Variants in PKHD1L1 observed in about 807,000 individuals in gnomAD.
PKHD1L1 encodes fibrocystin-L.
A neutral mutation model predicts 462.9 loss-of-function variants in PKHD1L1; 434 were observed. That is an observed-to-expected ratio of 0.94 (90% CI 0.87 to 1.02). PKHD1L1 has a LOEUF of 1.02. Among genes scored for constraint, PKHD1L1 ranks in the 50% least tolerant of loss-of-function variants. The pLI is 0.00. For missense variants in PKHD1L1, 5,202 were observed against 5,096.1 expected (o/e 1.02, Z -0.63); for synonymous variants, 1,781 against 1,750.0 (o/e 1.02, Z -0.44).
chr8:109,479,511 C>A, intron 53 of PKHD1L1, 40 bp from the exon 54 acceptor site: 1 of 1,253,180 alleles, frequency 8.0e-7, no homozygotes, highest in Non-Finnish European at 1.1e-6. Context: ...GGGAATATCA[C>A]AAGTAGTAAT....
At position 109,443,843 on chromosome 8, in the gene PKHD1L1, G is replaced by C. The variant is rs776817281; in HGVS notation, c.4732G>C (p.Val1578Leu). Reference sequence around the variant, plus strand: ...CAACATTACTCCGTCCACTGGAACAGTAAATGAACTAATAACAATTATTGG... The same window carrying C: ...CAACATTACTCCGTCCACTGGAACACTAAATGAACTAATAACAATTATTGG... ...ISNITPSTGT[V>L]NELITIIGHG... The change falls in exon 37 of 78, where the codon GTA becomes CTA. Residue 1578 changes from valine (V) to leucine (L), a missense_variant. This residue lies in a region of PKHD1L1 where 4,497 missense variants were observed against 4,336.8 expected (regional missense o/e 1.04). Coordinates refer to ENST00000378402, the MANE Select transcript of PKHD1L1 (RefSeq NM_177531.6). The C allele has an allele frequency of 1.6e-5, 26 of 1,613,710 alleles. No homozygotes were observed. The African/African-American group carries it at 3.3e-4, about 21-fold the overall frequency.
At chr8:109,470,604 A>G (rs553235760) in intron 50 of PKHD1L1, 28 of 1,581,702 alleles carry the variant, frequency 1.8e-5, no homozygotes, top group Middle Eastern at 2.4e-4. Context: ...TTGTTGATAA[A>G]TTAAATGACT....
intron 17 of PKHD1L1, 107 bp from the exon 18 acceptor site, chr8:109,407,942 A>C: frequency 8.5e-6 from 6 of 707,362 alleles, no homozygotes; most frequent in Non-Finnish European, 1.1e-5. Flanking sequence ...AATGAAACCA[A>C]TTTGGCTACA....
At chr8:109,488,857 A>G (rs148331609) in intron 59 of PKHD1L1, among the ~76,000 whole-genome samples, 1 of 150,602 alleles carries the variant, frequency 6.6e-6, no homozygotes, top group Non-Finnish European at 1.5e-5. Flanking sequence ...TCATAATGTT[A>G]TGGCATAAAT....
Position 109,435,247 on chromosome 8 carries a change from T to A in PKHD1L1, c.3398T>A (p.Val1133Glu), listed in dbSNP as rs1424889234. 1.9e-6 allele frequency: 3 copies of A among 1,613,838 alleles called. No individual in the cohort carries two copies. In the African/African-American group the frequency reaches 4.0e-5, roughly 22 times the overall value. The change falls in exon 29 of 78, where the codon GTG (valine) becomes GAG (glutamate). Residue 1133 changes from valine to glutamate, a missense_variant. Val to Glu is a moderately radical substitution (Grantham distance 121). This residue lies in a region of PKHD1L1 where 4,497 missense variants were observed against 4,336.8 expected (regional missense o/e 1.04). Transcript: ENST00000378402. Reference protein sequence around the residue: ...NGSAGHAPVAVSMADVGLAQN... With the variant: ...NGSAGHAPVAESMADVGLAQN... Reference sequence around the variant, plus strand: ...AGTGCTGGACATGCCCCCGTTGCTGTGTCCATGGCTGATGTTGGACTAGCA... The same window carrying A: ...AGTGCTGGACATGCCCCCGTTGCTGAGTCCATGGCTGATGTTGGACTAGCA...
chr8:109,515,165 A>T lies in PKHD1L1; in HGVS notation c.11554-5A>T. On this transcript the variant is annotated splice_polypyrimidine_tract_variant and splice_region_variant and intron_variant, in intron 71 of 77. Coordinates refer to ENST00000378402, the MANE Select transcript of PKHD1L1 (RefSeq NM_177531.6). ...GCTTTCTTAAAACTTTTTTTTCTTT[A>T]ATAGGCTGTTCTAGTAGGAATTTTC... is the stretch of plus-strand genomic sequence containing the variant. 1.3e-6 allele frequency: 2 copies of T among 1,562,366 alleles called. No individual in the cohort carries two copies. The highest frequency in any genetic ancestry group is 2.0e-5 in the Admixed American group (1 of 49,898).
chr8:109,396,194 T>A, intron 11 of PKHD1L1, 57 bp downstream of exon 11: 5 of 1,097,008 alleles, frequency 4.6e-6, no homozygotes, highest in Non-Finnish European at 6.7e-6. Flanking sequence ...GCCTGCTCTT[T>A]AATAATTTGT....
chr8:109,370,493 T>C (rs1811446463), intron 2 of PKHD1L1, among the ~76,000 whole-genome samples: 1 of 151,454 alleles, frequency 6.6e-6, no homozygotes, highest in African/African-American at 2.4e-5. Context: ...TTATTTATTT[T>C]ATTTTTTATT....
intron 11 of PKHD1L1, among the ~76,000 whole-genome samples, chr8:109,397,008 A>G (rs938656600): frequency 6.6e-6 from 1 of 152,250 alleles, no homozygotes; most frequent in Non-Finnish European, 1.5e-5. Context: ...TGGCATACAT[A>G]TTAAAACCTG....
At chr8:109,487,632 T>C (rs1818598849) in intron 59 of PKHD1L1, among the ~76,000 whole-genome samples, 1 of 151,920 alleles carries the variant, frequency 6.6e-6, no homozygotes, top group South Asian at 2.1e-4. Flanking sequence ...AATTGAGTGA[T>C]TGCATTCCTG....
At chr8:109,517,467 A>T (rs186670773) in intron 72 of PKHD1L1, among the ~76,000 whole-genome samples, 101 of 152,274 alleles carry the variant, frequency 6.6e-4, no homozygotes, top group African/African-American at 2.3e-3. Flanking sequence ...TCTGGGCTCA[A>T]TAAGTGTTAG....
chr8:109,456,259 T>C lies in PKHD1L1; in HGVS notation c.6875-3T>C, dbSNP rs755849771. 1.1e-5 allele frequency: 17 copies of C among 1,611,276 alleles called. No individual in the cohort carries two copies. In the South Asian group the frequency reaches 1.7e-4, roughly 16 times the overall value. The stretch of plus-strand genomic sequence containing the variant: ...AAATACTCAGTGTGTATGTTGGTTC[T>C]AGGTGTGCCTGTTCCTGTGACCTGG... On this transcript the variant is annotated splice_polypyrimidine_tract_variant and splice_region_variant and intron_variant, in intron 45 of 77. Transcript: ENST00000378402.
chr8:109,455,511 G>A (rs1228408628), intron 45 of PKHD1L1, among the ~76,000 whole-genome samples: 4 of 152,064 alleles, frequency 2.6e-5, no homozygotes, highest in Non-Finnish European at 5.9e-5. Context: ...GTCTGTGATT[G>A]CCTGTTTACT....
intron 51 of PKHD1L1, among the ~76,000 whole-genome samples, chr8:109,475,704 G>A (rs1001616569): frequency 3.3e-5 from 5 of 151,342 alleles, no homozygotes; most frequent in South Asian, 2.1e-4. Flanking sequence ...AAGATTAGCC[G>A]GGTGTGGTGG....
At chr8:109,490,183 G>T in intron 60 of PKHD1L1, 128 bp downstream of exon 60, 2 of 602,184 alleles carry the variant, frequency 3.3e-6, no homozygotes, top group Non-Finnish European at 2.7e-6. Context: ...AACTTTCTTG[G>T]CCCATTAACT....
intron 23 of PKHD1L1, among the ~76,000 whole-genome samples, chr8:109,423,975 T>C (rs73319442): frequency 0.042 from 6,415 of 152,252 alleles, 470 homozygotes; most frequent in African/African-American, 0.15. Context: ...AGAAATGTAA[T>C]TGATTTTTGT....
In PKHD1L1 at chr8:109,389,214, G is replaced by A; in HGVS notation, c.697+62G>A. On this transcript the variant is annotated intron_variant, in intron 8 of 77. Coordinates refer to ENST00000378402, the MANE Select transcript of PKHD1L1 (RefSeq NM_177531.6). ...ATGCCTTATTCTATTTCCCTGTTTT[G>A]TATTCTCCTAGACCTCCCTCCTCTG... is the stretch of plus-strand genomic sequence containing the variant. 2.2e-6 allele frequency: 3 copies of A among 1,373,048 alleles called. No homozygotes were observed. In the South Asian group the frequency reaches 3.6e-5, roughly 17 times the overall value. 85.1% of individuals were successfully genotyped at this position (1,373,048 alleles called of 1,614,324 possible).
At chr8:109,467,020 G>A (rs531953820) in intron 50 of PKHD1L1, among the ~76,000 whole-genome samples, 2 of 152,132 alleles carry the variant, frequency 1.3e-5, no homozygotes, top group South Asian at 2.1e-4. Flanking sequence ...GAGAGGGAGC[G>A]TTGGCACAGC....
At chr8:109,509,212 G>A (rs75000157) in intron 70 of PKHD1L1, among the ~76,000 whole-genome samples, 1 of 152,094 alleles carries the variant, frequency 6.6e-6, no homozygotes, top group East Asian at 1.9e-4. Flanking sequence ...TGGTTTCTGT[G>A]ACCTGCAGTT....
Sources: gnomAD v4.1 joint callset for allele counts (sites outside exome capture counted in the v4.1 genomes callset) on GRCh38, gnomAD v4.1.1 for gene constraint, gnomAD v4.1.1 regional missense constraint, MANE v1.5 for transcripts, NCBI Gene and HGNC (gene_info 2026-07-23, HGNC 2026-07-21) for gene names.